The following RERE variants were observed in gnomAD, a reference collection of about 807,000 sequenced individuals.
RERE encodes the protein arginine-glutamic acid dipeptide repeats protein.
In RERE, 40 loss-of-function variants were observed where a neutral mutation model predicts 146.1. The observed-to-expected ratio is 0.27, with a 90% CI of 0.21 to 0.36. RERE has a LOEUF of 0.36. RERE is among the 10% of genes least tolerant of loss of function. The probability of loss-of-function intolerance (pLI) is 1.00; values close to 1 mark genes in which losing one functional copy is unlikely to be tolerated. For synonymous variants in RERE, 1,003 were observed against 866.0 expected (o/e 1.16, Z -2.78); for missense variants, 1,933 against 2,138.7 (o/e 0.90, Z 1.90).
chr1:8,763,589 C>T (rs1046761277), intron 1 of RERE, among the ~76,000 whole-genome samples: 1 of 152,240 alleles, frequency 6.6e-6, no homozygotes, highest in Admixed American at 6.5e-5. Context: ...GAGGCAAGAT[C>T]GAACCACTGC....
chr1:8,454,816 CAAACA>C (rs919166620), intron 11 of RERE, among the ~76,000 whole-genome samples: 1 of 150,746 alleles, frequency 6.6e-6, no homozygotes, highest in African/African-American at 2.5e-5. Flanking sequence ...AACAAACAAA[CAAACA>C]AACAACAAAA....
chr1:8,422,724 C>T lies in RERE; in HGVS notation c.1284+3G>A, dbSNP rs1643928066. ...AAGTTACATAAAGTCCAATTGTACT[C>T]ACTGTTTCCTTATTGGGAAGCAGCT... On this transcript the variant is annotated splice_donor_region_variant and intron_variant, in intron 12 of 22. Transcript: ENST00000400908. The T allele has an allele frequency of 1.9e-6, 3 of 1,605,108 alleles. No homozygotes were observed. The highest frequency in any genetic ancestry group is 2.6e-6 in the Non-Finnish European group (3 of 1,171,748).
chr1:8,754,763 A>G (rs1286011185), intron 1 of RERE, among the ~76,000 whole-genome samples: 1 of 152,240 alleles, frequency 6.6e-6, no homozygotes, highest in East Asian at 1.9e-4. Context: ...GATTATAAAT[A>G]AAACTAACTG....
At chr1:8,632,830 T>A (rs1186082406) in intron 2 of RERE, among the ~76,000 whole-genome samples, 1 of 152,230 alleles carries the variant, frequency 6.6e-6, no homozygotes, top group Non-Finnish European at 1.5e-5. Flanking sequence ...TCTAGAAAGT[T>A]AGGACTTAAA....
intron 4 of RERE, among the ~76,000 whole-genome samples, chr1:8,601,093 T>C (rs571396166): frequency 1.4e-5 from 2 of 144,922 alleles, no homozygotes; most frequent in South Asian, 4.4e-4. Context: ...GATCTTGGCT[T>C]GCTGCAACCT....
chr1:8,538,450 T>C (rs1645755004), intron 7 of RERE, among the ~76,000 whole-genome samples: 1 of 152,186 alleles, frequency 6.6e-6, no homozygotes. Context: ...ACAGCCAGTT[T>C]TTCTACACTC....
chr1:8,401,038 C>CCTATAT (rs1344568347), intron 12 of RERE, among the ~76,000 whole-genome samples: 1 of 57,482 alleles, frequency 1.7e-5, no homozygotes, highest in East Asian at 4.4e-4. Context: ...AAAAAAAAAC[C>CCTATAT]ATATATATAT....
At chr1:8,694,532 G>A (rs546565374) in intron 1 of RERE, among the ~76,000 whole-genome samples, 13 of 152,018 alleles carry the variant, frequency 8.6e-5, no homozygotes, top group South Asian at 2.1e-4. Flanking sequence ...AGGTTGAGGC[G>A]GGCAGATCAC....
At chr1:8,580,045 A>C (rs1646344890) in intron 4 of RERE, among the ~76,000 whole-genome samples, 1 of 152,186 alleles carries the variant, frequency 6.6e-6, no homozygotes, top group South Asian at 2.1e-4. Context: ...AGGATGCTTA[A>C]AACCTAACCA....
chr1:8,557,720 C>T (rs1016872622), intron 4 of RERE, among the ~76,000 whole-genome samples, 197 bp from the exon 5 acceptor site: 3 of 152,102 alleles, frequency 2.0e-5, no homozygotes, highest in Non-Finnish European at 4.4e-5. Flanking sequence ...TCAATAGATC[C>T]CTCTCACCTT....
At chr1:8,585,831 C>T (rs1447135659) in intron 4 of RERE, among the ~76,000 whole-genome samples, 1 of 152,142 alleles carries the variant, frequency 6.6e-6, no homozygotes, top group Non-Finnish European at 1.5e-5. Context: ...AGATGACAGA[C>T]AACACTACCA....
chr1:8,697,506 C>T (rs746572176), intron 1 of RERE, among the ~76,000 whole-genome samples: 10 of 151,886 alleles, frequency 6.6e-5, no homozygotes, highest in Non-Finnish European at 1.5e-4. Context: ...CATTCTCCTG[C>T]CTCCGCCTAC....
intron 10 of RERE, among the ~76,000 whole-genome samples, chr1:8,487,622 G>A (rs1644919326): frequency 6.6e-6 from 1 of 152,058 alleles, no homozygotes; most frequent in Non-Finnish European, 1.5e-5. Flanking sequence ...GTAAATGACT[G>A]AAAACTTTCT....
intron 12 of RERE, among the ~76,000 whole-genome samples, chr1:8,402,662 G>C (rs965105387): frequency 6.6e-6 from 1 of 152,116 alleles, no homozygotes; most frequent in Non-Finnish European, 1.5e-5. Context: ...TTTATGTTTT[G>C]CTTGGTGAAG....
chr1:8,516,510 C>A (rs181801401), intron 7 of RERE, among the ~76,000 whole-genome samples: 1 of 152,020 alleles, frequency 6.6e-6, no homozygotes, highest in Non-Finnish European at 1.5e-5. Context: ...ATCTTACAGG[C>A]GACCCTGTAA....
chr1:8,407,808 T>C (rs1643492129), intron 12 of RERE, among the ~76,000 whole-genome samples: 1 of 152,208 alleles, frequency 6.6e-6, no homozygotes, highest in East Asian at 1.9e-4. Context: ...GCCACTTCTT[T>C]CTTTTGAAAC....
intron 1 of RERE, chr1:8,798,642 C>A (rs1267321789): frequency 4.6e-6 from 1 of 218,038 alleles, no homozygotes; most frequent in East Asian, 1.1e-4. Context: ...CACAAACTGA[C>A]AGCTGTTGTG....
intron 1 of RERE, among the ~76,000 whole-genome samples, chr1:8,706,168 A>C (rs1016629423): frequency 2.0e-5 from 3 of 151,570 alleles, no homozygotes; most frequent in African/African-American, 7.3e-5. Flanking sequence ...TTAAAAGCCT[A>C]GTAAGCCAAG....
intron 12 of RERE, among the ~76,000 whole-genome samples, chr1:8,366,385 C>T (rs141176630): frequency 7.2e-5 from 11 of 152,354 alleles, no homozygotes; most frequent in Admixed American, 2.6e-4. Flanking sequence ...GTGAACACAA[C>T]GATGCTTTCT....
Sources: allele counts gnomAD v4.1 joint callset (sites outside exome capture counted in the v4.1 genomes callset), GRCh38; gene constraint gnomAD v4.1.1; transcripts MANE v1.5; gene names NCBI Gene and HGNC (gene_info 2026-07-23, HGNC 2026-07-21).